KANSL1: variants seen among roughly 807,000 people sequenced by gnomAD.
KANSL1 encodes the protein KAT8 regulatory NSL complex subunit 1.
A neutral mutation model predicts 103.6 loss-of-function variants in KANSL1; 22 were observed. That is an observed-to-expected ratio of 0.21 (90% CI 0.15 to 0.30). The LOEUF (loss-of-function observed/expected upper bound fraction) is 0.30. Ranked by LOEUF, KANSL1 falls within the 10% of genes least tolerant of loss-of-function variation. The pLI is 1.00. For synonymous variants in KANSL1, 600 were observed against 527.6 expected (o/e 1.14, Z -1.88); for missense variants, 1,337 against 1,399.8 (o/e 0.96, Z 0.72).
intron 2 of KANSL1, among the ~76,000 whole-genome samples, chr17:46,111,023 T>C (rs752291396): frequency 2.0e-5 from 3 of 152,240 alleles, no homozygotes; most frequent in Non-Finnish European, 2.9e-5. Context: ...ACATGTCATA[T>C]TCCTGGTTGT....
chr17:46,205,680 CAAAAAA>C (rs56154541), intron 1 of KANSL1, among the ~76,000 whole-genome samples: 3 of 93,120 alleles, frequency 3.2e-5, no homozygotes, highest in Non-Finnish European at 6.1e-5. Flanking sequence ...GACACTGTCT[CAAAAAA>C]AAAAAAAAAA....
At position 46,039,152 on chromosome 17, in the gene KANSL1, G is replaced by A. The variant is rs774360556; in HGVS notation, c.2267C>T (p.Ala756Val). 1.2e-6 allele frequency: 2 copies of A among 1,611,750 alleles called. No individual in the cohort carries two copies. The highest frequency in any genetic ancestry group is 1.7e-6 in the Non-Finnish European group (2 of 1,179,420). The change falls in exon 9 of 15, where the codon GCC becomes GTC. Residue 756 changes from alanine to valine, a missense_variant. This residue lies in a region of KANSL1 where 780 missense variants were observed against 923.4 expected (regional missense o/e 0.84). Transcript: ENST00000432791. ...TGTCACTCGCTCCACCATGGGCACG[G>A]CCCCCACATCGTCTAAGTGCTGCCT... ...THRQHLDDVG[A>V]VPMVERVTAP...
intron 2 of KANSL1, among the ~76,000 whole-genome samples, chr17:46,096,301 G>GCTTTTTTTT (rs1199762058): frequency 2.1e-4 from 19 of 91,882 alleles, no homozygotes; most frequent in African/African-American, 7.7e-4. Context: ...TACATACCTG[G>GCTTTTTTTT]CTTTTTTTTC....
chr17:46,136,591 C>T (rs1327458123), intron 2 of KANSL1, among the ~76,000 whole-genome samples: 2 of 152,212 alleles, frequency 1.3e-5, no homozygotes, highest in Non-Finnish European at 2.9e-5. Context: ...AAGGCCAATC[C>T]AACCTCATGT....
chr17:46,087,404 A>C (rs190195097), intron 3 of KANSL1, among the ~76,000 whole-genome samples: 2 of 152,272 alleles, frequency 1.3e-5, no homozygotes, highest in Admixed American at 1.3e-4. Flanking sequence ...AAACAGCTAA[A>C]AAGAGGCTGA....
intron 1 of KANSL1, among the ~76,000 whole-genome samples, chr17:46,204,036 C>A (rs1400225142): frequency 1.3e-5 from 2 of 152,062 alleles, no homozygotes; most frequent in East Asian, 3.9e-4. Context: ...GGAAGGCAAC[C>A]AAGCTGGGTG....
rs1033550072 is a variant in KANSL1 at position 46,040,288 on chromosome 17, A to G, written c.2021-404T>C. The G allele has an allele frequency of 4.0e-5, 8 of 200,010 alleles. No individual in the cohort carries two copies. The East Asian group carries it at 1.1e-3, about 28-fold the overall frequency. 12.4% of individuals were successfully genotyped at this position (200,010 alleles called of 1,614,324 possible). A position where few individuals can be genotyped will look rare whatever the true frequency, so the allele number is the denominator to read the frequency against. On this transcript the variant is annotated intron_variant, in intron 7 of 14. Transcript: ENST00000432791. ...AATTATTCAACAATATTCATTATCT[A>G]TGTTATCAGGCACTGTACTGAGTAC... is the stretch of plus-strand genomic sequence containing the variant.
intron 2 of KANSL1, chr17:46,121,178 CTT>C (rs76101560): frequency 1.7e-4 from 24 of 144,128 alleles, no homozygotes; most frequent in Admixed American, 2.8e-4. Context: ...CCCCCTAACT[CTT>C]TTTTTTTTTT....
At chr17:46,168,971 G>GT (rs1428306195) in intron 2 of KANSL1, among the ~76,000 whole-genome samples, 1 of 152,172 alleles carries the variant, frequency 6.6e-6, no homozygotes, top group Admixed American at 6.5e-5. Context: ...TCATTGGTTT[G>GT]TAACGCTTAC....
chr17:46,151,438 T>C (rs1451815433), intron 2 of KANSL1, among the ~76,000 whole-genome samples: 1 of 152,236 alleles, frequency 6.6e-6, no homozygotes, highest in African/African-American at 2.4e-5. Flanking sequence ...AGGCTTTCCC[T>C]GACCACCCTA....
intron 1 of KANSL1, among the ~76,000 whole-genome samples, chr17:46,206,083 CAAAAAAAAAAA>C (rs71226716): frequency 3.3e-5 from 3 of 89,598 alleles, no homozygotes; most frequent in African/African-American, 5.1e-5. Flanking sequence ...CTGTGTCCCC[CAAAAAAAAAAA>C]AAAAAAAAAA....
chr17:46,194,100 G>A (rs2147946650), upstream of KANSL1, among the ~76,000 whole-genome samples: 1 of 152,298 alleles, frequency 6.6e-6, no homozygotes, highest in Non-Finnish European at 1.5e-5. Flanking sequence ...CCCAGCCAGG[G>A]CCCGCGCCGG....
intron 2 of KANSL1, among the ~76,000 whole-genome samples, chr17:46,154,079 G>C (rs1350778780): frequency 6.6e-6 from 1 of 152,192 alleles, no homozygotes; most frequent in African/African-American, 2.4e-5. Flanking sequence ...AGAGGTTAAT[G>C]AACACACCAG....
At chr17:46,149,915 G>C (rs566788626) in intron 2 of KANSL1, among the ~76,000 whole-genome samples, 1 of 151,796 alleles carries the variant, frequency 6.6e-6, no homozygotes, top group African/African-American at 2.4e-5. Context: ...CCAGCTACTC[G>C]GGAGGCTGAG....
Position 46,080,422 on chromosome 17 carries a change from T to C in KANSL1, c.1533+2019A>G, listed in dbSNP as rs1243589926. ...TACATGTGGGTATGAAAACCTACAG[T>C]TGCCCTCTGTCCCGGGCAACCTAAT... On this transcript the variant is annotated intron_variant, in intron 4 of 14. Coordinates refer to ENST00000432791, the MANE Select transcript of KANSL1 (RefSeq NM_015443.4). Among the ~76,000 whole-genome samples the C allele has an allele frequency of 2.0e-5, 3 of 151,034 alleles. No homozygotes were observed. The East Asian group carries it at 5.8e-4, about 29-fold the overall frequency.
At chr17:46,150,778 AT>A (rs1235564403) in intron 2 of KANSL1, among the ~76,000 whole-genome samples, 4 of 152,226 alleles carry the variant, frequency 2.6e-5, no homozygotes, top group Non-Finnish European at 5.9e-5. Context: ...TTGTTGTTAA[AT>A]TTCTGCTTCC....
chr17:46,097,445 AAT>A (rs1568444970), intron 2 of KANSL1, among the ~76,000 whole-genome samples: 1 of 152,260 alleles, frequency 6.6e-6, no homozygotes. Context: ...ATAACTGATG[AAT>A]ATATTTTAAA....
chr17:46,033,568 G>A (rs1198733976), intron 11 of KANSL1, 108 bp from the exon 12 acceptor site: 7 of 878,722 alleles, frequency 8.0e-6, no homozygotes, highest in South Asian at 5.7e-5. Context: ...GGGTGACACT[G>A]CTCTCTGCCG....
intron 2 of KANSL1, among the ~76,000 whole-genome samples, chr17:46,114,176 C>T (rs1003953922): frequency 3.3e-5 from 5 of 152,096 alleles, no homozygotes; most frequent in Non-Finnish European, 7.4e-5. Context: ...GTGGCCAATA[C>T]GGTGAAACCC....
Sources: gnomAD v4.1 joint callset for allele counts (sites outside exome capture counted in the v4.1 genomes callset) on GRCh38, gnomAD v4.1.1 for gene constraint, gnomAD v4.1.1 regional missense constraint, MANE v1.5 for transcripts, NCBI Gene and HGNC (gene_info 2026-07-23, HGNC 2026-07-21) for gene names.